The following ARMH3 variants were observed in gnomAD, a reference collection of about 807,000 sequenced individuals.
The protein encoded by ARMH3 is armadillo-like helical domain-containing protein 3.
A neutral mutation model predicts 99.1 loss-of-function variants in ARMH3; 60 were observed. The ratio of observed to expected loss-of-function variants is 0.61; its 90% CI spans 0.49 to 0.75. ARMH3 has a LOEUF of 0.75. Ranked by LOEUF, ARMH3 falls within the 30% of genes least tolerant of loss-of-function variation. The pLI is 0.00. For synonymous variants in ARMH3, 285 were observed against 292.8 expected (o/e 0.97, Z 0.27); for missense variants, 679 against 843.1 (o/e 0.81, Z 2.41).
At chr10:101,934,539 A>G (rs1368944719) in intron 23 of ARMH3, among the ~76,000 whole-genome samples, 3 of 152,232 alleles carry the variant, frequency 2.0e-5, no homozygotes, top group Non-Finnish European at 4.4e-5. Context: ...TAAAGAAAAA[A>G]GTTAATACAT....
intron 8 of ARMH3, among the ~76,000 whole-genome samples, chr10:102,022,879 C>T (rs957028814): frequency 2.7e-5 from 4 of 150,728 alleles, no homozygotes; most frequent in East Asian, 4.1e-4. Context: ...CGTGCCCGGC[C>T]GAAATTTTTT....
At chr10:101,865,203 G>A (rs1484371254) in intron 24 of ARMH3, among the ~76,000 whole-genome samples, 1 of 144,176 alleles carries the variant, frequency 6.9e-6, no homozygotes, top group Admixed American at 7.0e-5. Flanking sequence ...GCGACAGTGT[G>A]AGACTATGTC....
chr10:101,947,176 G>C (rs773830557), intron 22 of ARMH3, among the ~76,000 whole-genome samples: 1 of 151,568 alleles, frequency 6.6e-6, no homozygotes, highest in Non-Finnish European at 1.5e-5. Flanking sequence ...GACAGAGCGA[G>C]ACTCTGTCTC....
intron 23 of ARMH3, among the ~76,000 whole-genome samples, chr10:101,931,695 A>G (rs1043489299): frequency 6.6e-6 from 1 of 152,124 alleles, no homozygotes; most frequent in African/African-American, 2.4e-5. Flanking sequence ...AGGCAGGAGG[A>G]TCAATTGAGC....
intron 23 of ARMH3, among the ~76,000 whole-genome samples, chr10:101,902,093 A>G (rs560893599): frequency 5.9e-5 from 9 of 152,320 alleles, no homozygotes; most frequent in African/African-American, 1.9e-4. Context: ...GAATAAATGA[A>G]TACTTATCAA....
At chr10:101,985,192 GTGTA>G (rs1564821199) in intron 19 of ARMH3, among the ~76,000 whole-genome samples, 1 of 145,342 alleles carries the variant, frequency 6.9e-6, no homozygotes, top group African/African-American at 2.6e-5. Flanking sequence ...ATATATATGT[GTGTA>G]TATATATACG....
Position 101,890,206 on chromosome 10 carries a change from G to A in ARMH3, c.1782-716C>T, listed in dbSNP as rs1438502996. ...CATATGAATATAAATGATTCATAGA[G>A]AGAGACAAATCTCTTTTTTTCATAT... is the stretch of plus-strand genomic sequence containing the variant. On this transcript the variant is annotated intron_variant, in intron 23 of 25. Coordinates refer to ENST00000370033, the MANE Select transcript of ARMH3 (RefSeq NM_024541.3). Among the ~76,000 whole-genome samples, 3 of 151,108 alleles carry A rather than the reference G, an allele frequency of 2.0e-5. No homozygotes were observed. In the East Asian group the frequency reaches 5.8e-4, roughly 29 times the overall value.
At chr10:101,960,051 G>A (rs562236459) in intron 20 of ARMH3, among the ~76,000 whole-genome samples, 15 of 152,168 alleles carry the variant, frequency 9.9e-5, no homozygotes, top group East Asian at 3.9e-4. Context: ...GGCGGTGTGC[G>A]CCTGTAGGCC....
chr10:101,889,586 T>G (rs1320228924), intron 23 of ARMH3, 96 bp from the exon 24 acceptor site: 1 of 1,137,464 alleles, frequency 8.8e-7, no homozygotes, highest in African/African-American at 1.5e-5. Context: ...TTTAGAGTAC[T>G]AGAGCATGGG....
chr10:101,978,462 C>T (rs1367930306), intron 19 of ARMH3, among the ~76,000 whole-genome samples: 3 of 152,182 alleles, frequency 2.0e-5, no homozygotes, highest in Non-Finnish European at 4.4e-5. Context: ...TACAGAGCTA[C>T]CACATAACCC....
At chr10:101,999,242 A>G (rs541564711) in intron 15 of ARMH3, among the ~76,000 whole-genome samples, 14 of 151,894 alleles carry the variant, frequency 9.2e-5, no homozygotes, top group African/African-American at 3.4e-4. Flanking sequence ...CCCAGGCTAG[A>G]GTGCAGTGGC....
At chr10:101,916,400 A>C (rs1226954808) in intron 23 of ARMH3, among the ~76,000 whole-genome samples, 1 of 152,098 alleles carries the variant, frequency 6.6e-6, no homozygotes, top group African/African-American at 2.4e-5. Context: ...CAAACAAACA[A>C]AACAAACCTG....
At chr10:102,004,399 C>T (rs1173775208) in intron 14 of ARMH3, among the ~76,000 whole-genome samples, 1 of 152,184 alleles carries the variant, frequency 6.6e-6, no homozygotes, top group African/African-American at 2.4e-5. Context: ...AAGAGTCATT[C>T]CTTGATCTTT....
chr10:102,038,988 C>T (rs1380740712), intron 2 of ARMH3, among the ~76,000 whole-genome samples: 1 of 151,880 alleles, frequency 6.6e-6, no homozygotes, highest in African/African-American at 2.4e-5. Flanking sequence ...GAGATCCACC[C>T]ACTCAGCCTC....
chr10:101,993,700 C>T, intron 16 of ARMH3, 97 bp from the exon 17 acceptor site: 1 of 788,406 alleles, frequency 1.3e-6, no homozygotes. Context: ...TTGAGAACTA[C>T]TTTCAAGGAT....
At chr10:101,849,624 T>C (rs943061546) in intron 25 of ARMH3, 152 bp downstream of exon 25, 1 of 664,364 alleles carries the variant, frequency 1.5e-6, no homozygotes, top group Non-Finnish European at 2.7e-6. Context: ...CTTCTCTTAC[T>C]GCCTGGTACA....
intron 23 of ARMH3, among the ~76,000 whole-genome samples, chr10:101,903,481 TG>T (rs1264452429): frequency 6.6e-6 from 1 of 152,180 alleles, no homozygotes; most frequent in African/African-American, 2.4e-5. Flanking sequence ...AAAGGTATCA[TG>T]GAAGCACAGA....
intron 1 of ARMH3, among the ~76,000 whole-genome samples, chr10:102,048,631 T>A (rs1281997591): frequency 6.6e-6 from 1 of 152,138 alleles, no homozygotes; most frequent in African/African-American, 2.4e-5. Flanking sequence ...CTTCACCAAG[T>A]TGGCCAGGCT....
intron 23 of ARMH3, among the ~76,000 whole-genome samples, chr10:101,928,499 C>T (rs1234911696): frequency 2.0e-5 from 3 of 152,066 alleles, no homozygotes; most frequent in African/African-American, 4.8e-5. Context: ...TGGGAGAAAA[C>T]GAGATACAAA....
Sources: gnomAD v4.1 joint callset for allele counts (sites outside exome capture counted in the v4.1 genomes callset) on GRCh38, gnomAD v4.1.1 for gene constraint, MANE v1.5 for transcripts, NCBI Gene and HGNC (gene_info 2026-07-23, HGNC 2026-07-21) for gene names.